F2: variants seen among roughly 807,000 people sequenced by gnomAD.
F2 encodes the protein prothrombin.
A neutral mutation model predicts 81.9 loss-of-function variants in F2; 34 were observed. The observed-to-expected ratio is 0.42, with a 90% CI of 0.32 to 0.55. F2 has a LOEUF of 0.55. Ranked by LOEUF, F2 falls within the 20% of genes least tolerant of loss-of-function variation. F2 has a pLI of 0.18. For missense variants in F2, 630 were observed against 833.4 expected (o/e 0.76, Z 3.00); for synonymous variants, 296 against 326.4 (o/e 0.91, Z 1.01).
In F2 at chr11:46,722,409, A is replaced by G. The variant is rs1592409595; in HGVS notation, c.317-771A>G. Among the ~76,000 whole-genome samples the G allele has an allele frequency of 2.6e-5, 4 of 151,134 alleles. No individual in the cohort carries two copies. In the South Asian group the frequency reaches 8.4e-4, roughly 32 times the overall value. ...AGACCATCCTGGCCAACATAGTGAA[A>G]CCCCCAACCTCTACTAAAAATACAA... On this transcript the variant is annotated intron_variant, in intron 4 of 13. Coordinates refer to ENST00000311907, the MANE Select transcript of F2 (RefSeq NM_000506.5).
intron 12 of F2, among the ~76,000 whole-genome samples, chr11:46,733,781 CCTT>C (rs2064927393): frequency 7.4e-6 from 1 of 135,896 alleles, no homozygotes; most frequent in African/African-American, 2.8e-5. Flanking sequence ...TGATTAAGGA[CCTT>C]TTTTTTTTTT....
intron 6 of F2, among the ~76,000 whole-genome samples, chr11:46,725,018 C>T (rs2064862606): frequency 6.6e-6 from 1 of 150,766 alleles, no homozygotes; most frequent in Non-Finnish European, 1.5e-5. Context: ...GATCCTCCCG[C>T]CTCGGCCTCC....
In F2 at chr11:46,739,477, A is replaced by G. The variant is rs979833221; in HGVS notation, c.*69A>G. 6 of 1,599,198 alleles carry G rather than the reference A, an allele frequency of 3.8e-6. No homozygotes were observed. Among genetic ancestry groups the G allele is most frequent in the Non-Finnish European group, 5.1e-6 (6 of 1,170,954 alleles). On this transcript the variant is annotated 3_prime_UTR_variant, in exon 14 of 14. Transcript: ENST00000311907. ...GAATTATTTTTGTGTTTCTAAAACT[A>G]TGGTTCCCAATAAAAGTGACTCTCA...
chr11:46,720,206 C>G, intron 2 of F2: 1 of 545,708 alleles, frequency 1.8e-6, no homozygotes, highest in Non-Finnish European at 3.3e-6. Flanking sequence ...CACAAGCCCC[C>G]GGGCTCAAGA....
At chr11:46,720,926 T>A in intron 4 of F2, 86 bp downstream of exon 4, 1 of 1,464,096 alleles carries the variant, frequency 6.8e-7, no homozygotes, top group Non-Finnish European at 9.6e-7. Flanking sequence ...GTGTGGCTGG[T>A]GGAGGCCGAG....
chr11:46,720,903 G>T lies in F2; in HGVS notation c.316+63G>T, dbSNP rs889843584. ...AGGGGAGCCTGGGAGAAGAGCTCAG[G>T]GGTGGGTTTGGAGTGTGGCTGGTGG... On this transcript the variant is annotated intron_variant, in intron 4 of 13. Coordinates refer to ENST00000311907, the MANE Select transcript of F2 (RefSeq NM_000506.5). 8.8e-6 allele frequency: 14 copies of T among 1,597,548 alleles called. No homozygotes were observed. In the African/African-American group the frequency reaches 1.9e-4, roughly 21 times the overall value.
intron 9 of F2, among the ~76,000 whole-genome samples, chr11:46,727,713 G>A (rs967797627): frequency 3.9e-5 from 6 of 152,128 alleles, no homozygotes; most frequent in African/African-American, 9.7e-5. Context: ...AGGAGGCTGA[G>A]GCTTCAGTAA....
At position 46,719,443 on chromosome 11, in the gene F2, T is replaced by C; in HGVS notation, c.79+129T>C. 8.6e-7 allele frequency: 1 copy of C among 1,159,450 alleles called. No individual in the cohort carries two copies. The highest frequency in any genetic ancestry group is 1.3e-6 in the Non-Finnish European group (1 of 798,686). The allele number at this position is 1,159,450 out of a possible 1,614,324, so 71.8% of individuals were successfully genotyped here. On this transcript the variant is annotated intron_variant, in intron 1 of 13. Coordinates refer to ENST00000311907, the MANE Select transcript of F2 (RefSeq NM_000506.5). This position sits in a 1 kb window ranked among gnomAD's most constrained non-coding sequence, Gnocchi z 4.7. ...AGGTCTCAGCCCCAGGCGGCCAGCTTAGGGAAGAAGTCAGGAGCTCAGGGC... is the reference window on the plus strand; with the variant it reads ...AGGTCTCAGCCCCAGGCGGCCAGCTCAGGGAAGAAGTCAGGAGCTCAGGGC...
chr11:46,734,717 T>C (rs1029083925), intron 12 of F2, among the ~76,000 whole-genome samples: 4 of 152,032 alleles, frequency 2.6e-5, no homozygotes, highest in African/African-American at 9.7e-5. Flanking sequence ...AGACTGAGGC[T>C]GGAGAATTGC....
chr11:46,728,740 C>A lies in F2; in HGVS notation c.1375C>A (p.Leu459Met). Residue 459 changes from leucine to methionine, a missense_variant, in exon 11 of 14, where the codon CTG becomes ATG. Transcript: ENST00000311907. This position sits in a 1 kb window ranked among gnomAD's most constrained non-coding sequence, Gnocchi z 5.1. ...CCCCAGGTACAACTGGCGGGAGAAC[C>A]TGGACCGGGACATTGCCCTGATGAA... ...IHPRYNWREN[L>M]DRDIALMKLK... 13 of 1,614,238 alleles carry A rather than the reference C, an allele frequency of 8.1e-6. No individual in the cohort carries two copies. Among genetic ancestry groups the A allele is most frequent in the Non-Finnish European group, 1.0e-5 (12 of 1,180,048 alleles).
rs569549196 is a variant in F2, at chr11:46,726,317, G to A, written c.874+144G>A. On this transcript the variant is annotated intron_variant, in intron 7 of 13. Transcript: ENST00000311907. This position sits in a 1 kb window ranked among gnomAD's most constrained non-coding sequence, Gnocchi z 5.9. ...AACCAGGTGGGGGGTAAGGTCCTGT[G>A]CCCATTTCACAGATAAGTACACTGA... 7.2e-5 allele frequency: 103 copies of A among 1,436,446 alleles called. No individual in the cohort carries two copies. In the African/African-American group the frequency reaches 1.4e-3, roughly 19 times the overall value. 89.0% of individuals were successfully genotyped at this position (1,436,446 alleles called of 1,614,324 possible).
At chr11:46,721,137 C>T (rs553674111) in intron 4 of F2, among the ~76,000 whole-genome samples, 3 of 152,180 alleles carry the variant, frequency 2.0e-5, no homozygotes, top group African/African-American at 7.2e-5. Context: ...CTCCGCCTCC[C>T]GGGTTCAAGC....
chr11:46,720,013 G>A (rs2064826537), intron 2 of F2, 151 bp downstream of exon 2: 1 of 1,130,928 alleles, frequency 8.8e-7, no homozygotes, highest in Non-Finnish European at 1.3e-6. Context: ...GCTGGCAAGA[G>A]GAGCGGCCTC....
intron 12 of F2, among the ~76,000 whole-genome samples, chr11:46,732,481 T>C (rs1592417890): frequency 6.6e-6 from 1 of 151,698 alleles, no homozygotes; most frequent in East Asian, 1.9e-4. Context: ...CACTGCAACG[T>C]CCTCCTCCCA....
chr11:46,739,182 T>G (rs1377146785), intron 13 of F2, 64 bp downstream of exon 13: 1 of 1,613,392 alleles, frequency 6.2e-7, no homozygotes. Flanking sequence ...GAAACTCTAG[T>G]ATCTAGAAAC....
In F2 at chr11:46,723,502, C is replaced by T. The variant is rs1209241679; in HGVS notation, c.543C>T (p.Cys181=). 6.2e-7 allele frequency: 1 copy of T among 1,613,402 alleles called. No homozygotes were observed. Among genetic ancestry groups the T allele is most frequent in the Non-Finnish European group, 8.5e-7 (1 of 1,179,668 alleles). Residue 181 remains cysteine, a synonymous_variant, in exon 6 of 14, where the codon TGC becomes TGT. Transcript: ENST00000311907. This position sits in a 1 kb window ranked among gnomAD's most constrained non-coding sequence, Gnocchi z 5.6. ...TTDPTVRRQE[C]SIPVCGQDQV... is the part of the protein sequence containing the mutation. ...ACCCCACCGTGAGGAGGCAGGAATG[C>T]AGCATCCCTGTCTGTGGTAAGCTGG...
At position 46,726,002 on chromosome 11, in the gene F2, C is replaced by T. The variant is rs1376894619; in HGVS notation, c.703C>T (p.Leu235=). 3.1e-6 allele frequency: 5 copies of T among 1,614,014 alleles called. No individual in the cohort carries two copies. Among genetic ancestry groups the T allele is most frequent in the Non-Finnish European group, 3.4e-6 (4 of 1,179,986 alleles). The part of the protein sequence containing the change: ...LAVTTHGLPC[L]AWASAQAKAL... ...GGTGACCACACATGGGCTCCCCTGC[C>T]TGGCCTGGGCCAGCGCACAGGCCAA... Residue 235 remains leucine (L), a synonymous_variant, in exon 7 of 14, where the codon CTG becomes TTG. Transcript: ENST00000311907. This position sits in a 1 kb window ranked among gnomAD's most constrained non-coding sequence, Gnocchi z 5.9.
intron 11 of F2, 100 bp from the exon 12 acceptor site, chr11:46,729,280 A>G: frequency 7.5e-7 from 1 of 1,338,644 alleles, no homozygotes; most frequent in Non-Finnish European, 1.0e-6. Flanking sequence ...GTGCCCAGCC[A>G]GCTCTGGCGT....
At chr11:46,735,899 G>A (rs1160332910) in intron 12 of F2, among the ~76,000 whole-genome samples, 1 of 142,708 alleles carries the variant, frequency 7.0e-6, no homozygotes, top group Non-Finnish European at 1.5e-5. Context: ...TCCAGCCTGG[G>A]CAACAAGAGT....
Sources: allele counts gnomAD v4.1 joint callset (sites outside exome capture counted in the v4.1 genomes callset), GRCh38; gene constraint gnomAD v4.1.1; non-coding constraint Gnocchi (gnomAD v3.1); transcripts MANE v1.5; gene names NCBI Gene and HGNC (gene_info 2026-07-23, HGNC 2026-07-21).